Variants in PIAS2 observed in about 807,000 individuals in gnomAD.
PIAS2 encodes the protein E3 SUMO-protein ligase PIAS2.
In PIAS2, 19 loss-of-function variants were observed where a neutral mutation model predicts 69.7. The ratio of observed to expected loss-of-function variants is 0.27; its 90% CI spans 0.19 to 0.40. PIAS2 has a LOEUF of 0.40. Ranked by LOEUF, PIAS2 falls within the 10% of genes least tolerant of loss-of-function variation. The pLI is 1.00. For missense variants in PIAS2, 624 were observed against 757.0 expected (o/e 0.82, Z 2.06); for synonymous variants, 261 against 263.2 (o/e 0.99, Z 0.08).
intron 1 of PIAS2, among the ~76,000 whole-genome samples, chr18:46,898,174 G>T (rs1373582339): frequency 4.0e-5 from 6 of 148,570 alleles, no homozygotes; most frequent in African/African-American, 1.2e-4. Flanking sequence ...TTTTTTTTTT[G>T]AGAGAGAGAA....
rs192978226 is a variant in PIAS2, at chr18:46,825,626, T to C, written c.1508+2333A>G. On this transcript the variant is annotated intron_variant, in intron 11 of 13. Coordinates refer to ENST00000585916, the MANE Select transcript of PIAS2 (RefSeq NM_004671.5). Reference sequence around the variant, plus strand: ...ACCATTCTTGATGATCAGCACTGACTGAAATGCTCTGAGAGTCATATAGCC... The same window carrying C: ...ACCATTCTTGATGATCAGCACTGACCGAAATGCTCTGAGAGTCATATAGCC... Among the ~76,000 whole-genome samples, 483 of 152,336 alleles carry C rather than the reference T, an allele frequency of 3.2e-3. 3 individuals carry two copies. The highest frequency in any genetic ancestry group is 5.0e-3 in the Non-Finnish European group (343 of 68,028).
chr18:46,861,189 A>C (rs1309069802), intron 3 of PIAS2, among the ~76,000 whole-genome samples: 2 of 151,032 alleles, frequency 1.3e-5, no homozygotes, highest in Non-Finnish European at 2.9e-5. Flanking sequence ...CAGTGAGCCG[A>C]GATTGTGCCA....
At chr18:46,899,712 C>T (rs925413854) in intron 1 of PIAS2, among the ~76,000 whole-genome samples, 1 of 152,212 alleles carries the variant, frequency 6.6e-6, no homozygotes, top group African/African-American at 2.4e-5. Flanking sequence ...AGTGATGCTC[C>T]TGCCTTGGCC....
At chr18:46,905,885 G>A (rs2056533632) in intron 1 of PIAS2, 1 of 152,002 alleles carries the variant, frequency 6.6e-6, no homozygotes, top group South Asian at 2.1e-4. Flanking sequence ...TCTTCCAGAA[G>A]AGAAAAGGTA....
intron 1 of PIAS2, among the ~76,000 whole-genome samples, chr18:46,894,026 T>C (rs2054470241): frequency 6.6e-6 from 1 of 152,250 alleles, no homozygotes; most frequent in Admixed American, 6.5e-5. Context: ...CTCGGGAGGC[T>C]GAGGCAGGAG....
intron 5 of PIAS2, among the ~76,000 whole-genome samples, chr18:46,847,888 T>C (rs2046386573): frequency 6.6e-6 from 1 of 152,148 alleles, no homozygotes; most frequent in Non-Finnish European, 1.5e-5. Context: ...AAATAATATA[T>C]TTTTTAGAAA....
At chr18:46,847,786 G>C (rs2046373669) in intron 5 of PIAS2, among the ~76,000 whole-genome samples, 1 of 152,040 alleles carries the variant, frequency 6.6e-6, no homozygotes. Flanking sequence ...CCGGCCAACT[G>C]TTCGTTTTAA....
chr18:46,837,002 T>C (rs956601924), intron 8 of PIAS2, among the ~76,000 whole-genome samples: 4 of 152,206 alleles, frequency 2.6e-5, no homozygotes, highest in African/African-American at 4.8e-5. Context: ...TATATGAAGG[T>C]ATCATAATTT....
intron 1 of PIAS2, among the ~76,000 whole-genome samples, chr18:46,900,768 G>C (rs568819048): frequency 8.6e-5 from 13 of 151,846 alleles, no homozygotes; most frequent in Non-Finnish European, 1.2e-4. Flanking sequence ...GAGGTCAGGC[G>C]TTCAAGACCA....
upstream of PIAS2, among the ~76,000 whole-genome samples, chr18:46,918,456 C>T (rs114237381): frequency 0.012 from 1,840 of 152,264 alleles, 33 homozygotes; most frequent in African/African-American, 0.041. Context: ...CCGCACCCCG[C>T]AAGTTTTGTT....
intron 1 of PIAS2, among the ~76,000 whole-genome samples, chr18:46,891,817 T>C (rs900833502): frequency 6.6e-6 from 1 of 152,200 alleles, no homozygotes; most frequent in South Asian, 2.1e-4. Context: ...TTATAAGCAG[T>C]TGCAGCTTCA....
At chr18:46,834,342 A>T (rs963086090) in intron 9 of PIAS2, among the ~76,000 whole-genome samples, 1 of 152,232 alleles carries the variant, frequency 6.6e-6, no homozygotes. Context: ...TAAAAGGGAA[A>T]CTGGGAAAAT....
intron 3 of PIAS2, 96 bp downstream of exon 3, chr18:46,864,068 T>G: frequency 1.5e-6 from 1 of 664,014 alleles, no homozygotes; most frequent in Non-Finnish European, 2.6e-6. Context: ...AAAAGTCTGT[T>G]GTTTACACTG....
chr18:46,822,108 TTA>T (rs2042240878), intron 11 of PIAS2, among the ~76,000 whole-genome samples: 1 of 152,214 alleles, frequency 6.6e-6, no homozygotes, highest in African/African-American at 2.4e-5. Context: ...TTATTGCTGA[TTA>T]TTAAATATCA....
At chr18:46,915,701 A>G (rs548052693) in intron 1 of PIAS2, 5 of 152,256 alleles carry the variant, frequency 3.3e-5, no homozygotes, top group South Asian at 2.1e-4. Context: ...ACTCTGCTCT[A>G]TAAGAGCGAG....
chr18:46,827,422 G>C (rs538532868), intron 11 of PIAS2: 1 of 152,334 alleles, frequency 6.6e-6, no homozygotes, highest in African/African-American at 2.4e-5. Context: ...AAAGGGAAAG[G>C]AATCAATTTT....
At chr18:46,825,042 G>A (rs1418928477) in intron 11 of PIAS2, among the ~76,000 whole-genome samples, 3 of 151,214 alleles carry the variant, frequency 2.0e-5, no homozygotes, top group Non-Finnish European at 2.9e-5. Context: ...ACATAATTTC[G>A]GGGCTGTAAA....
intron 5 of PIAS2, chr18:46,853,151 C>G (rs1214926969): frequency 2.0e-5 from 3 of 152,196 alleles, no homozygotes; most frequent in African/African-American, 7.2e-5. Context: ...GCGGTGCATG[C>G]CTGTAGTCCC....
chr18:46,882,733 C>T (rs2052481989), intron 2 of PIAS2, among the ~76,000 whole-genome samples: 1 of 152,138 alleles, frequency 6.6e-6, no homozygotes, highest in Non-Finnish European at 1.5e-5. Flanking sequence ...GATAATAGAA[C>T]TACTGCAATA....
Sources: allele counts gnomAD v4.1 joint callset (sites outside exome capture counted in the v4.1 genomes callset), GRCh38; gene constraint gnomAD v4.1.1; transcripts MANE v1.5; gene names NCBI Gene and HGNC (gene_info 2026-07-23, HGNC 2026-07-21).